PTPRD: variants seen among roughly 807,000 people sequenced by gnomAD.
PTPRD encodes protein tyrosine phosphatase receptor type D.
Under a neutral mutation model 214.5 loss-of-function variants are expected in PTPRD, and 34 were observed. That is an observed-to-expected ratio of 0.16 (90% CI 0.12 to 0.21). The LOEUF (loss-of-function observed/expected upper bound fraction) is 0.21, where lower values mean the gene tolerates loss of function less well. Ranked by LOEUF, PTPRD falls within the 10% of genes least tolerant of loss-of-function variation. PTPRD has a pLI of 1.00. For synonymous variants in PTPRD, 1,128 were observed against 845.7 expected, an observed-to-expected ratio of 1.33 and a Z score of -5.79; for missense variants, 2,545 against 2,398.7, an observed-to-expected ratio of 1.06 and a Z score of -1.27.
At chr9:9,575,972 A>C (rs911861089) in intron 7 of PTPRD, among the ~76,000 whole-genome samples, 1 of 152,064 alleles carries the variant, frequency 6.6e-6, no homozygotes, top group Admixed American at 6.6e-5. Flanking sequence ...TAGTACTTGC[A>C]AACTCTTTAG....
intron 31 of PTPRD, among the ~76,000 whole-genome samples, chr9:8,470,608 G>A (rs2096633881): frequency 6.6e-6 from 1 of 152,064 alleles, no homozygotes; most frequent in Non-Finnish European, 1.5e-5. Context: ...TTGCAACTTG[G>A]TGTTTGTGAC....
At chr9:9,204,253 T>C (rs1188537209) in intron 9 of PTPRD, among the ~76,000 whole-genome samples, 1 of 152,226 alleles carries the variant, frequency 6.6e-6, no homozygotes, top group Non-Finnish European at 1.5e-5. Context: ...GCACAGGCCT[T>C]GTTTCATTAG....
intron 9 of PTPRD, among the ~76,000 whole-genome samples, chr9:9,213,700 T>TTCAC (rs2099950312): frequency 6.6e-6 from 1 of 152,176 alleles, no homozygotes; most frequent in African/African-American, 2.4e-5. Context: ...GAATAATAAG[T>TTCAC]TCACATTCAC....
At chr9:10,047,176 A>T (rs976760980) in intron 3 of PTPRD, among the ~76,000 whole-genome samples, 3 of 151,974 alleles carry the variant, frequency 2.0e-5, no homozygotes, top group Non-Finnish European at 4.4e-5. Flanking sequence ...ATGTTTGAAG[A>T]CTACAATATG....
intron 7 of PTPRD, among the ~76,000 whole-genome samples, chr9:9,732,439 T>C (rs1306362678): frequency 1.3e-5 from 2 of 152,056 alleles, no homozygotes; most frequent in Admixed American, 6.6e-5. Flanking sequence ...TATTAGAAGA[T>C]AGAAGACCAC....
intron 9 of PTPRD, among the ~76,000 whole-genome samples, chr9:9,393,773 G>T (rs747423689): frequency 2.0e-5 from 3 of 152,068 alleles, no homozygotes; most frequent in Non-Finnish European, 2.9e-5. Flanking sequence ...ACAAGGCTGC[G>T]GAATGGATTA....
rs1376626756 is a variant in PTPRD, at chr9:9,267,368, C to G, written c.-202-84005G>C. Reference sequence around the variant, plus strand: ...AATAAATAATGAAGAAATAGATAACCTGAACAGTCTAATAATGAGTAAGGA... The same window carrying G: ...AATAAATAATGAAGAAATAGATAACGTGAACAGTCTAATAATGAGTAAGGA... On this transcript the variant is annotated intron_variant, in intron 9 of 45. Coordinates refer to ENST00000381196, the MANE Select transcript of PTPRD (RefSeq NM_002839.4). Among the ~76,000 whole-genome samples the G allele has an allele frequency of 3.3e-5, 5 of 151,196 alleles. No homozygotes were observed. In the East Asian group the frequency reaches 9.8e-4, roughly 30 times the overall value.
chr9:10,050,739 C>A (rs1397495307), intron 3 of PTPRD, among the ~76,000 whole-genome samples: 1 of 151,874 alleles, frequency 6.6e-6, no homozygotes, highest in Non-Finnish European at 1.5e-5. Context: ...ATGGAACTCT[C>A]CCAAATGTAT....
rs373195032 is a variant in PTPRD, at chr9:10,347,146, T to C, written c.-599-6129A>G. Among the ~76,000 whole-genome samples the C allele has an allele frequency of 7.6e-4, 115 of 152,298 alleles. 2 individuals are homozygous for C. The South Asian group carries it at 0.021, about 28-fold the overall frequency. On this transcript the variant is annotated intron_variant, in intron 2 of 45. Coordinates refer to ENST00000381196, the MANE Select transcript of PTPRD (RefSeq NM_002839.4). Reference sequence around the variant, plus strand: ...CACCACACACCCAGTTGTCTTTCTCTACTCTTCTTTTCTCATTCCTCTCTT... The same window carrying C: ...CACCACACACCCAGTTGTCTTTCTCCACTCTTCTTTTCTCATTCCTCTCTT...
At chr9:9,228,981 G>A (rs961619126) in intron 9 of PTPRD, among the ~76,000 whole-genome samples, 1 of 152,032 alleles carries the variant, frequency 6.6e-6, no homozygotes, top group African/African-American at 2.4e-5. Flanking sequence ...ATCTATAAAG[G>A]TAAGACTTAC....
intron 9 of PTPRD, among the ~76,000 whole-genome samples, chr9:9,259,013 T>C (rs2099978956): frequency 6.6e-6 from 1 of 151,848 alleles, no homozygotes; most frequent in South Asian, 2.1e-4. Context: ...AAAAGGATCA[T>C]ATAGTTTGAA....
chr9:8,340,972 T>C, intron 41 of PTPRD, 118 bp downstream of exon 41: 1 of 1,022,718 alleles, frequency 9.8e-7, no homozygotes, highest in Non-Finnish European at 1.4e-6. Context: ...AGGGACTAAA[T>C]GATGACCTAT....
intron 8 of PTPRD, among the ~76,000 whole-genome samples, chr9:9,470,228 G>A (rs1490451292): frequency 6.6e-6 from 1 of 152,052 alleles, no homozygotes; most frequent in Non-Finnish European, 1.5e-5. Flanking sequence ...TCACTTCTAG[G>A]ATTTTCTCTC....
intron 35 of PTPRD, among the ~76,000 whole-genome samples, chr9:8,409,207 C>G (rs1157084823): frequency 6.6e-6 from 1 of 152,056 alleles, no homozygotes; most frequent in South Asian, 2.1e-4. Context: ...GAAGTAGTTG[C>G]CATTATGATT....
At chr9:8,773,894 G>C (rs1001980781) in intron 11 of PTPRD, among the ~76,000 whole-genome samples, 2 of 152,102 alleles carry the variant, frequency 1.3e-5, no homozygotes, top group African/African-American at 4.8e-5. Context: ...ATTCATTCAT[G>C]AGTGATCAAC....
intron 12 of PTPRD, among the ~76,000 whole-genome samples, chr9:8,706,287 A>C (rs1399042204): frequency 6.6e-6 from 1 of 152,182 alleles, no homozygotes; most frequent in Non-Finnish European, 1.5e-5. Flanking sequence ...TTTGATATTT[A>C]TCCCAAGGTA....
At chr9:9,316,064 A>C (rs567047084) in intron 9 of PTPRD, among the ~76,000 whole-genome samples, 51 of 152,092 alleles carry the variant, frequency 3.4e-4, no homozygotes, top group South Asian at 6.2e-4. Context: ...TGTCCATAGA[A>C]TCCTAAAGAA....
intron 27 of PTPRD, among the ~76,000 whole-genome samples, chr9:8,490,298 T>A (rs1182167986): frequency 6.6e-6 from 1 of 152,204 alleles, no homozygotes; most frequent in Non-Finnish European, 1.5e-5. Context: ...TACATTCTTT[T>A]AAAAATTTCC....
At chr9:10,437,735 T>A (rs2098729472) in intron 2 of PTPRD, among the ~76,000 whole-genome samples, 6 of 151,426 alleles carry the variant, frequency 4.0e-5, no homozygotes, top group Admixed American at 3.3e-4. Context: ...CTTCAAAAAT[T>A]CCAACGATTC....
Sources: allele counts gnomAD v4.1 joint callset (sites outside exome capture counted in the v4.1 genomes callset), GRCh38; gene constraint gnomAD v4.1.1; transcripts MANE v1.5; gene names NCBI Gene and HGNC (gene_info 2026-07-23, HGNC 2026-07-21).